Variants in TWIST2 observed in about 807,000 individuals in gnomAD.
TWIST2 encodes the protein twist-related protein 2.
Under a neutral mutation model 11.6 loss-of-function variants are expected in TWIST2, and 1 was observed. The observed-to-expected ratio is 0.09, with a 90% CI of 0.03 to 0.41. TWIST2 has a LOEUF of 0.41. TWIST2 is among the 10% of genes least tolerant of loss of function. The pLI, the probability that TWIST2 is intolerant of heterozygous loss-of-function variation, is 0.98. For synonymous variants in TWIST2, 87 were observed against 96.6 expected, an observed-to-expected ratio of 0.90 and a Z score of 0.58; for missense variants, 168 against 226.4, an observed-to-expected ratio of 0.74 and a Z score of 1.66.
In TWIST2 at chr2:238,866,614, G is replaced by C. The variant is rs955590975; in HGVS notation, c.*35+17881G>C. Among the ~76,000 whole-genome samples, 69 of 152,140 alleles carry C rather than the reference G, an allele frequency of 4.5e-4. No homozygotes were observed. Among genetic ancestry groups the C allele is most frequent in the African/African-American group, 1.6e-3 (65 of 41,524 alleles). Reference sequence around the variant, plus strand: ...GGAGGTTGCAGTGAGCTGAGATCGCGCCACTGTACTCCAGCCTGGGTGACA... The same window carrying C: ...GGAGGTTGCAGTGAGCTGAGATCGCCCCACTGTACTCCAGCCTGGGTGACA... On this transcript the variant is annotated intron_variant, in intron 1 of 1. Transcript: ENST00000612363. This position sits in a 1 kb window ranked among gnomAD's most constrained non-coding sequence, Gnocchi z 4.9.
intron 1 of TWIST2, among the ~76,000 whole-genome samples, chr2:238,881,565 A>G (rs971821795): frequency 6.6e-6 from 1 of 151,880 alleles, no homozygotes; most frequent in African/African-American, 2.4e-5. Flanking sequence ...TAGCGTTAGA[A>G]TTTATTAGTA....
intron 1 of TWIST2, among the ~76,000 whole-genome samples, chr2:238,887,786 C>T (rs1406645422): frequency 6.6e-6 from 1 of 152,214 alleles, no homozygotes; most frequent in African/African-American, 2.4e-5. Flanking sequence ...CAGCCTGAGT[C>T]CCTTCGTGAC....
chr2:238,902,535 GTGGT>G (rs1693281723), intron 1 of TWIST2, among the ~76,000 whole-genome samples: 2 of 149,950 alleles, frequency 1.3e-5, no homozygotes, highest in African/African-American at 4.9e-5. Context: ...GGGTGTGTGT[GTGGT>G]GTGTGCATGT....
At chr2:238,908,528 G>C (rs1488727112) in intron 1 of TWIST2, among the ~76,000 whole-genome samples, 1 of 152,140 alleles carries the variant, frequency 6.6e-6, no homozygotes, top group Non-Finnish European at 1.5e-5. Flanking sequence ...CCACACGAGT[G>C]ACATGTGAAT....
At chr2:238,853,775 G>GA (rs1692285355) in intron 1 of TWIST2, among the ~76,000 whole-genome samples, 1 of 152,180 alleles carries the variant, frequency 6.6e-6, no homozygotes, top group Non-Finnish European at 1.5e-5. Context: ...CCAGCATGAG[G>GA]AAAATGTTTT....
At chr2:238,892,778 G>A (rs184775623) in intron 1 of TWIST2, among the ~76,000 whole-genome samples, 2 of 152,222 alleles carry the variant, frequency 1.3e-5, no homozygotes, top group South Asian at 2.1e-4. Context: ...GCCGCAACCG[G>A]CCTTCTAATA....
chr2:238,900,592 A>G (rs1470554605), intron 1 of TWIST2, among the ~76,000 whole-genome samples: 5 of 152,218 alleles, frequency 3.3e-5, no homozygotes, highest in African/African-American at 4.8e-5. Flanking sequence ...TGAGCGGTGC[A>G]CATTCTGCAG....
chr2:238,892,084 C>CA (rs1693144806), intron 1 of TWIST2, among the ~76,000 whole-genome samples: 9 of 152,166 alleles, frequency 5.9e-5, no homozygotes, highest in Non-Finnish European at 1.3e-4. Flanking sequence ...TGGACTGGAA[C>CA]CCGCCTGCAG....
intron 1 of TWIST2, among the ~76,000 whole-genome samples, chr2:238,907,613 T>C (rs1268087144): frequency 6.6e-6 from 1 of 151,940 alleles, no homozygotes; most frequent in African/African-American, 2.4e-5. Context: ...GCTGGAAGAA[T>C]TGTGTGTCTT....
chr2:238,905,886 CGCGCAT>C (rs1693336479), intron 1 of TWIST2, among the ~76,000 whole-genome samples: 2 of 143,234 alleles, frequency 1.4e-5, no homozygotes, highest in African/African-American at 2.7e-5. Flanking sequence ...TGTGCATGTG[CGCGCAT>C]GCGCGTGTGT....
At chr2:238,884,992 T>G in intron 1 of TWIST2, among the ~76,000 whole-genome samples, 1 of 152,196 alleles carries the variant, frequency 6.6e-6, no homozygotes, top group East Asian at 1.9e-4. Context: ...TGGAAGAGAA[T>G]GTCCACACGC....
chr2:238,863,052 T>TTA lies in TWIST2; in HGVS notation c.*35+14319_*35+14320insTA, dbSNP rs1553567346. Reference sequence around the variant, plus strand: ...TTTCCTTCTTATGTTTTTTTTTTTTTAATTTCTAGATTTTCTACAGATGCC... The same window carrying TTA: ...TTTCCTTCTTATGTTTTTTTTTTTTTTAAATTTCTAGATTTTCTACAGATGCC... On this transcript the variant is annotated intron_variant, in intron 1 of 1. Coordinates refer to ENST00000612363, the MANE Select transcript of TWIST2 (RefSeq NM_001271893.4). This position sits in a 1 kb window ranked among gnomAD's most constrained non-coding sequence, Gnocchi z 4.7. Among the ~76,000 whole-genome samples, 17 of 145,446 alleles carry TTA rather than the reference T, an allele frequency of 1.2e-4. No individual in the cohort carries two copies. Among genetic ancestry groups the TTA allele is most frequent in the African/African-American group, 4.0e-4 (16 of 40,438 alleles).
intron 1 of TWIST2, among the ~76,000 whole-genome samples, chr2:238,902,756 T>G (rs1693288426): frequency 8.8e-6 from 1 of 113,350 alleles, no homozygotes. Flanking sequence ...GTGTGATGGG[T>G]ATGTGCGTGA....
chr2:238,855,673 G>A (rs1692317285), intron 1 of TWIST2, among the ~76,000 whole-genome samples: 1 of 152,128 alleles, frequency 6.6e-6, no homozygotes, highest in African/African-American at 2.4e-5. Flanking sequence ...ATGATTAACT[G>A]AAGTCCGCTT....
chr2:238,867,534 A>G lies in TWIST2; in HGVS notation c.*35+18801A>G, dbSNP rs1220359820. ...GTGGGCTGAGGAAGAGGCTGGGAGG[A>G]GAGAGTTGTGGCTGGGAACCCTTTG... On this transcript the variant is annotated intron_variant, in intron 1 of 1. Transcript: ENST00000612363. The surrounding 1 kb of genome is among the most constrained non-coding windows in gnomAD (Gnocchi z 4.8). 6.6e-6 allele frequency among the ~76,000 whole-genome samples: 1 copy of G among 152,000 alleles called. No individual in the cohort carries two copies. The highest frequency in any genetic ancestry group is 1.5e-5 in the Non-Finnish European group (1 of 68,004).
chr2:238,884,023 A>G (rs1301712193), intron 1 of TWIST2, among the ~76,000 whole-genome samples: 1 of 152,102 alleles, frequency 6.6e-6, no homozygotes, highest in Admixed American at 6.5e-5. Flanking sequence ...GGGTTAATCC[A>G]AATTCCCCTA....
intron 1 of TWIST2, among the ~76,000 whole-genome samples, chr2:238,853,854 A>C (rs1245361464): frequency 6.6e-6 from 1 of 152,226 alleles, no homozygotes; most frequent in East Asian, 1.9e-4. Context: ...TATCTGGGCT[A>C]TTTCATCCTC....
chr2:238,867,428 C>T lies in TWIST2; in HGVS notation c.*35+18695C>T, dbSNP rs1034297190. ...ACACACACACTCCTCAGTAAAATAC[C>T]CAGTTCTCACCAGGCTTTATGCAGT... On this transcript the variant is annotated intron_variant, in intron 1 of 1. Transcript: ENST00000612363. This position sits in a 1 kb window ranked among gnomAD's most constrained non-coding sequence, Gnocchi z 4.8. Among the ~76,000 whole-genome samples, 8 of 133,264 alleles carry T rather than the reference C, an allele frequency of 6.0e-5. No homozygotes were observed. The highest frequency in any genetic ancestry group is 1.6e-4 in the African/African-American group (6 of 36,408). The allele number at this position is 133,264 out of a possible 152,430, so 87.4% of individuals were successfully genotyped here.
Position 238,863,826 on chromosome 2 carries a change from G to A in TWIST2, c.*35+15093G>A, listed in dbSNP as rs1014092424. On this transcript the variant is annotated intron_variant, in intron 1 of 1. Coordinates refer to ENST00000612363, the MANE Select transcript of TWIST2 (RefSeq NM_001271893.4). This position sits in a 1 kb window ranked among gnomAD's most constrained non-coding sequence, Gnocchi z 4.7. ...TACCAGGATCAAAAATGAAAACCAC[G>A]TGTCCCCCTGGCCTTGTATGATGAA... Among the ~76,000 whole-genome samples the A allele has an allele frequency of 6.6e-6, 1 of 152,080 alleles. No individual in the cohort carries two copies. The highest frequency in any genetic ancestry group is 1.9e-4 in the East Asian group (1 of 5,184).
Sources: gnomAD v4.1 joint callset for allele counts (sites outside exome capture counted in the v4.1 genomes callset) on GRCh38, gnomAD v4.1.1 for gene constraint, Gnocchi (gnomAD v3.1) non-coding constraint, MANE v1.5 for transcripts, NCBI Gene and HGNC (gene_info 2026-07-23, HGNC 2026-07-21) for gene names.